Variants in PRKCH observed in about 807,000 individuals in gnomAD.
PRKCH encodes the protein protein kinase C eta.
In PRKCH, 28 loss-of-function variants were observed where a neutral mutation model predicts 82.5. That is an observed-to-expected ratio of 0.34 (90% CI 0.25 to 0.47). The LOEUF is 0.47. Among genes scored for constraint, PRKCH ranks in the 20% least tolerant of loss-of-function variants. The probability of loss-of-function intolerance (pLI) is 1.00; values close to 1 mark genes in which losing one functional copy is unlikely to be tolerated. For missense variants in PRKCH, 705 were observed against 881.8 expected (o/e 0.80, Z 2.54); for synonymous variants, 322 against 327.4 (o/e 0.98, Z 0.18).
At chr14:61,387,058 G>A (rs1457157034) in intron 1 of PRKCH, among the ~76,000 whole-genome samples, 1 of 152,176 alleles carries the variant, frequency 6.6e-6, no homozygotes, top group Non-Finnish European at 1.5e-5. Context: ...GTAGCTCAGT[G>A]GGGGGACAAC....
At chr14:61,410,986 C>T (rs997185774) in intron 2 of PRKCH, among the ~76,000 whole-genome samples, 12 of 152,196 alleles carry the variant, frequency 7.9e-5, no homozygotes, top group Admixed American at 7.2e-4. Context: ...TATGAGACAT[C>T]GTGGATGCTG....
chr14:61,457,495 C>T lies in PRKCH; in HGVS notation c.1105-11C>T, dbSNP rs374259288. 6.2e-7 allele frequency: 1 copy of T among 1,612,530 alleles called. No homozygotes were observed. The highest frequency in any genetic ancestry group is 8.5e-7 in the Non-Finnish European group (1 of 1,178,828). On this transcript the variant is annotated splice_polypyrimidine_tract_variant and intron_variant, in intron 8 of 13. Coordinates refer to ENST00000332981, the MANE Select transcript of PRKCH (RefSeq NM_006255.5). The stretch of plus-strand genomic sequence containing the variant: ...GACTCCCTCATGCTCCCTCCTTTTG[C>T]TTTGCCATAGGTGATGCTTGCAAGA...
At chr14:61,410,328 A>G (rs923211667) in intron 2 of PRKCH, among the ~76,000 whole-genome samples, 1 of 152,182 alleles carries the variant, frequency 6.6e-6, no homozygotes, top group Admixed American at 6.5e-5. Flanking sequence ...ATTTTGTTCC[A>G]TGTGAAATGG....
intron 4 of PRKCH, among the ~76,000 whole-genome samples, chr14:61,445,959 A>T (rs1200403398): frequency 6.6e-6 from 1 of 152,192 alleles, no homozygotes; most frequent in African/African-American, 2.4e-5. Context: ...ATAAATTTTC[A>T]TTGTTTAAAG....
chr14:61,312,920 C>G (rs2045536221), intron 1 of PRKCH, among the ~76,000 whole-genome samples: 1 of 152,152 alleles, frequency 6.6e-6, no homozygotes. Flanking sequence ...GCCTGAGTGA[C>G]CTCCTTAACA....
intron 1 of PRKCH, among the ~76,000 whole-genome samples, chr14:61,213,375 A>C (rs1227037639): frequency 1.3e-5 from 2 of 152,188 alleles, no homozygotes; most frequent in African/African-American, 4.8e-5. Flanking sequence ...ATAAAATCCC[A>C]TCCATGCCTC....
chr14:61,376,037 T>A (rs542747288), intron 1 of PRKCH, among the ~76,000 whole-genome samples: 4 of 148,160 alleles, frequency 2.7e-5, no homozygotes, highest in Middle Eastern at 3.5e-3. Flanking sequence ...AAAAAAAAGC[T>A]CATAAATACA....
intron 1 of PRKCH, among the ~76,000 whole-genome samples, chr14:61,233,977 C>T (rs1198814783): frequency 6.6e-6 from 1 of 152,180 alleles, no homozygotes; most frequent in Non-Finnish European, 1.5e-5. Context: ...CTGCATTTAT[C>T]ATCGAACTTC....
intron 1 of PRKCH, among the ~76,000 whole-genome samples, chr14:61,238,717 C>T (rs1294426312): frequency 6.6e-6 from 1 of 151,456 alleles, no homozygotes; most frequent in Non-Finnish European, 1.5e-5. Flanking sequence ...AAATGTCCAC[C>T]TTCCTGGAAA....
intron 10 of PRKCH, among the ~76,000 whole-genome samples, chr14:61,510,335 C>G (rs1035422416): frequency 3.3e-5 from 5 of 152,104 alleles, no homozygotes; most frequent in African/African-American, 1.2e-4. Flanking sequence ...GCCTGGAAGC[C>G]AGGAGTTCAA....
intron 1 of PRKCH, among the ~76,000 whole-genome samples, chr14:61,324,638 T>G (rs1326286219): frequency 6.6e-6 from 1 of 152,148 alleles, no homozygotes; most frequent in Non-Finnish European, 1.5e-5. Context: ...TTTAAAAAAA[T>G]AGAGATGGGG....
At chr14:61,352,428 C>T (rs977308233) in intron 1 of PRKCH, among the ~76,000 whole-genome samples, 5 of 151,730 alleles carry the variant, frequency 3.3e-5, no homozygotes, top group East Asian at 3.9e-4. Flanking sequence ...TTTGGGAGGC[C>T]GAGGCAGATG....
At chr14:61,373,204 C>A (rs1298595340) in intron 1 of PRKCH, among the ~76,000 whole-genome samples, 2 of 151,882 alleles carry the variant, frequency 1.3e-5, no homozygotes, top group Non-Finnish European at 2.9e-5. Context: ...ACTGGGTAAT[C>A]TATGAAGAAA....
intron 1 of PRKCH, among the ~76,000 whole-genome samples, chr14:61,287,266 A>G (rs1233907356): frequency 6.8e-6 from 1 of 146,686 alleles, no homozygotes; most frequent in Non-Finnish European, 1.5e-5. Context: ...CTGGACTTGA[A>G]TTGTGTGGGT....
chr14:61,531,801 G>A (rs2043046684), intron 12 of PRKCH, among the ~76,000 whole-genome samples: 1 of 152,122 alleles, frequency 6.6e-6, no homozygotes, highest in Non-Finnish European at 1.5e-5. Flanking sequence ...ACATGTTTTT[G>A]TAAGAACAGT....
intron 1 of PRKCH, among the ~76,000 whole-genome samples, chr14:61,361,460 A>C (rs1566838387): frequency 6.6e-6 from 1 of 152,250 alleles, no homozygotes; most frequent in Non-Finnish European, 1.5e-5. Flanking sequence ...TTTATTTACC[A>C]ATGAAGCATT....
rs3783764 is a variant in PRKCH, at chr14:61,501,448, A to C, written c.1433+15792A>C. Among the ~76,000 whole-genome samples the C allele has an allele frequency of 0.02, 3,073 of 152,222 alleles. 191 individuals are homozygous for C. The East Asian group carries it at 0.26, about 13-fold the overall frequency. ...TGTGTGCTCATTTTAATCCCATTAA[A>C]AAAAAAAGCAGTAGCGAAAGCTACA... On this transcript the variant is annotated intron_variant, in intron 10 of 13. Coordinates refer to ENST00000332981, the MANE Select transcript of PRKCH (RefSeq NM_006255.5).
intron 1 of PRKCH, among the ~76,000 whole-genome samples, chr14:61,389,377 A>G (rs530104727): frequency 1.3e-5 from 2 of 151,956 alleles, no homozygotes; most frequent in East Asian, 3.9e-4. Flanking sequence ...TTGAGATCAT[A>G]TGTGGAGGCT....
intron 1 of PRKCH, among the ~76,000 whole-genome samples, chr14:61,257,962 T>C (rs139010592): frequency 7.7e-6 from 1 of 130,032 alleles, no homozygotes; most frequent in African/African-American, 2.5e-5. Context: ...AATTATATCA[T>C]TCGTTTTATG....
Sources: gnomAD v4.1 joint callset for allele counts (sites outside exome capture counted in the v4.1 genomes callset) on GRCh38, gnomAD v4.1.1 for gene constraint, MANE v1.5 for transcripts, NCBI Gene and HGNC (gene_info 2026-07-23, HGNC 2026-07-21) for gene names.